Variants in SCMH1 observed in about 807,000 individuals in gnomAD.
The protein encoded by SCMH1 is polycomb protein SCMH1.
SCMH1 carries 37 observed loss-of-function variants against 70.8 expected under a neutral mutation model. That is an observed-to-expected ratio of 0.52 (90% CI 0.40 to 0.69). The LOEUF (loss-of-function observed/expected upper bound fraction) is 0.69. Among genes scored for constraint, SCMH1 ranks in the 30% least tolerant of loss-of-function variants. SCMH1 has a pLI of 0.00. For synonymous variants in SCMH1, 292 were observed against 307.4 expected (o/e 0.95, Z 0.52); for missense variants, 607 against 827.3 (o/e 0.73, Z 3.27).
chr1:41,134,986 T>C (rs138424898), intron 6 of SCMH1, among the ~76,000 whole-genome samples: 1 of 152,196 alleles, frequency 6.6e-6, no homozygotes, highest in Non-Finnish European at 1.5e-5. Flanking sequence ...TGAATTCTAT[T>C]AATGATTTTT....
intron 6 of SCMH1, among the ~76,000 whole-genome samples, chr1:41,129,233 T>C (rs1673993369): frequency 6.6e-6 from 1 of 152,156 alleles, no homozygotes; most frequent in Admixed American, 6.6e-5. Context: ...TTTAATCATT[T>C]TAAAGTGTAC....
At chr1:41,071,671 C>CTT (rs11374978) in intron 9 of SCMH1, among the ~76,000 whole-genome samples, 133 of 150,698 alleles carry the variant, frequency 8.8e-4, no homozygotes, top group Middle Eastern at 6.8e-3. Flanking sequence ...TCCTAAAAGC[C>CTT]TTTTTTTTTG....
At chr1:41,084,200 T>C (rs1660883790) in intron 8 of SCMH1, among the ~76,000 whole-genome samples, 2 of 152,028 alleles carry the variant, frequency 1.3e-5, no homozygotes, top group South Asian at 4.1e-4. Flanking sequence ...ACCTACAAAA[T>C]GGGAGAAAAT....
At chr1:41,110,562 G>A (rs1669031480) in intron 8 of SCMH1, among the ~76,000 whole-genome samples, 1 of 152,062 alleles carries the variant, frequency 6.6e-6, no homozygotes, top group African/African-American at 2.4e-5. Flanking sequence ...TTTGTGACTG[G>A]CTTTTCATTT....
intron 6 of SCMH1, among the ~76,000 whole-genome samples, chr1:41,130,345 G>A (rs1265951981): frequency 6.6e-6 from 1 of 151,912 alleles, no homozygotes; most frequent in Non-Finnish European, 1.5e-5. Context: ...TTTTCACTAT[G>A]TCAATAGTGT....
chr1:41,074,611 T>C (rs1186678732), intron 9 of SCMH1, among the ~76,000 whole-genome samples: 1 of 152,194 alleles, frequency 6.6e-6, no homozygotes, highest in Non-Finnish European at 1.5e-5. Context: ...GGACATCTAC[T>C]TTGGAAAGGT....
chr1:41,177,762 A>G (rs909139724), intron 2 of SCMH1, among the ~76,000 whole-genome samples: 3 of 152,220 alleles, frequency 2.0e-5, no homozygotes, highest in Non-Finnish European at 2.9e-5. Flanking sequence ...TCTACGTCTG[A>G]TTGGTGTACC....
intron 1 of SCMH1, among the ~76,000 whole-genome samples, chr1:41,197,021 G>C (rs1367907492): frequency 6.6e-6 from 1 of 152,074 alleles, no homozygotes; most frequent in Non-Finnish European, 1.5e-5. Context: ...TTATTAGTAT[G>C]GCTGTTATGA....
At chr1:41,133,232 G>A (rs911599009) in intron 6 of SCMH1, among the ~76,000 whole-genome samples, 5 of 152,238 alleles carry the variant, frequency 3.3e-5, no homozygotes, top group Middle Eastern at 3.4e-3. Context: ...GTGGTTTGTA[G>A]TTCTCCTTGA....
rs140584401 is a variant in SCMH1, at chr1:41,089,045, T to C, written c.746-13594A>G. ...TGCTGAGCCCCAGCCTCTGAGTTTC[T>C]GCTTTAGTAGGTCTGGGAATTTGCT... is the stretch of plus-strand genomic sequence containing the variant. On this transcript the variant is annotated intron_variant, in intron 8 of 14. Transcript: ENST00000337495. Among the ~76,000 whole-genome samples, 23 of 152,332 alleles carry C rather than the reference T, an allele frequency of 1.5e-4. 1 individual carries two copies. The East Asian group carries it at 4.2e-3, about 28-fold the overall frequency.
chr1:41,045,548 T>C lies in SCMH1; in HGVS notation c.1498+859A>G, dbSNP rs79392778. Among the ~76,000 whole-genome samples the C allele has an allele frequency of 5.9e-3, 904 of 152,222 alleles. 5 individuals carry two copies. The highest frequency in any genetic ancestry group is 0.02 in the African/African-American group (842 of 41,512). ...GGGAAGGCAGTGTGGGAACAAGACT[T>C]GTTTGTGTAGAGGAAGGTCGGAAAA... On this transcript the variant is annotated intron_variant, in intron 12 of 14. Coordinates refer to ENST00000337495, the Ensembl canonical transcript of SCMH1.
chr1:41,146,496 G>GT (rs1644583844), intron 5 of SCMH1, among the ~76,000 whole-genome samples: 1 of 151,692 alleles, frequency 6.6e-6, no homozygotes, highest in South Asian at 2.1e-4. Flanking sequence ...TCCATTCAAG[G>GT]TAAGTGCCTG....
At chr1:41,202,743 C>T (rs966278085) in intron 1 of SCMH1, among the ~76,000 whole-genome samples, 2 of 152,030 alleles carry the variant, frequency 1.3e-5, no homozygotes, top group Non-Finnish European at 2.9e-5. Context: ...GGAGGCTCCA[C>T]TGGATGAAGG....
At chr1:41,139,109 T>A (rs1199574411) in intron 6 of SCMH1, among the ~76,000 whole-genome samples, 2 of 152,158 alleles carry the variant, frequency 1.3e-5, no homozygotes, top group Non-Finnish European at 2.9e-5. Context: ...GTCTCCCTCT[T>A]CCACAGAGGA....
intron 4 of SCMH1, among the ~76,000 whole-genome samples, chr1:41,152,943 T>G (rs1214801176): frequency 6.6e-6 from 1 of 152,232 alleles, no homozygotes; most frequent in East Asian, 1.9e-4. Context: ...TTAATCAACA[T>G]GACTAGACAG....
rs769873141 is a variant in SCMH1 at position 41,152,277 on chromosome 1, C to T, written c.107-593G>A. On this transcript the variant is annotated intron_variant, in intron 4 of 14. Transcript: ENST00000337495. ...CCCGCTGCACCCCCATCCTAGCCAC[C>T]GCTGTGTTGCTCTGGGGTGCAAAGT... 7.2e-5 allele frequency among the ~76,000 whole-genome samples: 11 copies of T among 152,264 alleles called. No individual in the cohort carries two copies. The East Asian group carries it at 9.6e-4, about 13-fold the overall frequency.
At chr1:41,144,949 T>C in intron 5 of SCMH1, among the ~76,000 whole-genome samples, 1 of 152,198 alleles carries the variant, frequency 6.6e-6, no homozygotes, top group Non-Finnish European at 1.5e-5. Context: ...GTCTTTTAAT[T>C]TCCGAGTTTT....
intron 8 of SCMH1, among the ~76,000 whole-genome samples, chr1:41,105,712 CCAT>C (rs752266085): frequency 5.9e-5 from 9 of 152,238 alleles, no homozygotes; most frequent in African/African-American, 1.4e-4. Context: ...ATCCTCACCA[CCAT>C]GTCACTGCTT....
chr1:41,231,819 G>A (rs964639490), intron 1 of SCMH1, among the ~76,000 whole-genome samples: 2 of 151,986 alleles, frequency 1.3e-5, no homozygotes, highest in Non-Finnish European at 2.9e-5. Context: ...TCAGGAGTTC[G>A]AGAACAGCCC....
Sources: gnomAD v4.1 joint callset for allele counts (sites outside exome capture counted in the v4.1 genomes callset) on GRCh38, gnomAD v4.1.1 for gene constraint, MANE v1.5 for transcripts, NCBI Gene and HGNC (gene_info 2026-07-23, HGNC 2026-07-21) for gene names.